MNAT1: variants seen among roughly 807,000 people sequenced by gnomAD.
MNAT1 encodes CDK-activating kinase assembly factor MAT1.
Under a neutral mutation model 42.0 loss-of-function variants are expected in MNAT1, and 43 were observed. The ratio of observed to expected loss-of-function variants is 1.02; its 90% CI spans 0.80 to 1.32. MNAT1 has a LOEUF of 1.32. Ranked by LOEUF, MNAT1 falls within the 40% of genes most tolerant of loss-of-function variation. The pLI, the probability that MNAT1 is intolerant of heterozygous loss-of-function variation, is 0.00. For synonymous variants in MNAT1, 118 were observed against 120.0 expected (o/e 0.98, Z 0.11); for missense variants, 306 against 350.4 (o/e 0.87, Z 1.01).
At chr14:60,818,981 G>T in intron 6 of MNAT1, 134 bp downstream of exon 6, 1 of 937,558 alleles carries the variant, frequency 1.1e-6, no homozygotes, top group African/African-American at 1.7e-5. Context: ...TTAGGTGTCT[G>T]GAAATATGGA....
At chr14:60,780,560 A>C (rs1261296005) in intron 1 of MNAT1, 2 of 1,523,682 alleles carry the variant, frequency 1.3e-6, no homozygotes, top group East Asian at 4.5e-5. Context: ...CAAAGTAAAT[A>C]GCATGGTGGC....
intron 1 of MNAT1, among the ~76,000 whole-genome samples, chr14:60,768,902 G>A (rs542781034): frequency 6.6e-5 from 10 of 152,168 alleles, no homozygotes; most frequent in African/African-American, 2.2e-4. Flanking sequence ...TGATGGCAAC[G>A]CTATGTGCAT....
chr14:60,910,323 TC>T (rs999774910), intron 7 of MNAT1, among the ~76,000 whole-genome samples: 25 of 152,198 alleles, frequency 1.6e-4, no homozygotes, highest in African/African-American at 5.5e-4. Flanking sequence ...TATTTCCTTC[TC>T]CTGCCTGATT....
At chr14:60,769,441 T>TTTTTA (rs1396861787) in intron 1 of MNAT1, among the ~76,000 whole-genome samples, 2 of 151,940 alleles carry the variant, frequency 1.3e-5, no homozygotes, top group African/African-American at 4.8e-5. Flanking sequence ...CTGGCCAATT[T>TTTTTA]TTTTATTTTA....
chr14:60,925,482 T>C (rs932455909), intron 7 of MNAT1, among the ~76,000 whole-genome samples: 1 of 152,190 alleles, frequency 6.6e-6, no homozygotes, highest in African/African-American at 2.4e-5. Context: ...TGTCTAGTTA[T>C]ACCATGTTCT....
chr14:60,807,123 A>G (rs867923706), intron 3 of MNAT1, among the ~76,000 whole-genome samples: 6 of 152,196 alleles, frequency 3.9e-5, no homozygotes, highest in Non-Finnish European at 5.9e-5. Flanking sequence ...TTGCCTTTAT[A>G]CCTAAATGAG....
At chr14:60,748,276 G>T (rs1347726098) in intron 1 of MNAT1, among the ~76,000 whole-genome samples, 1 of 152,060 alleles carries the variant, frequency 6.6e-6, no homozygotes, top group Non-Finnish European at 1.5e-5. Context: ...TGTCACCCAG[G>T]CTGGAGTGCA....
chr14:60,855,923 G>GC (rs1566796565), intron 6 of MNAT1, among the ~76,000 whole-genome samples: 1 of 152,066 alleles, frequency 6.6e-6, no homozygotes, highest in Non-Finnish European at 1.5e-5. Context: ...TCCACCAATT[G>GC]CCCCATCTCT....
Position 60,969,232 on chromosome 14 carries a change from T to C in MNAT1, c.*883T>C, listed in dbSNP as rs191947852. 1 of 152,358 alleles carries C rather than the reference T, an allele frequency of 6.6e-6. No individual in the cohort carries two copies. The highest frequency in any genetic ancestry group is 6.5e-5 in the Admixed American group (1 of 15,298). 9.4% of individuals were successfully genotyped at this position (152,358 alleles called of 1,614,324 possible). On this transcript the variant is annotated 3_prime_UTR_variant, in exon 8 of 8. Coordinates refer to ENST00000261245, the MANE Select transcript of MNAT1 (RefSeq NM_002431.4). ...CAGGGTTTTGCTTAAAGAGTTTAGATATGAATAGGATGATATTGCAGCATC... is the reference window on the plus strand; with the variant it reads ...CAGGGTTTTGCTTAAAGAGTTTAGACATGAATAGGATGATATTGCAGCATC...
intron 7 of MNAT1, among the ~76,000 whole-genome samples, chr14:60,922,686 C>A (rs2035687189): frequency 1.3e-5 from 2 of 151,658 alleles, no homozygotes; most frequent in African/African-American, 4.8e-5. Flanking sequence ...AAAAAAAAAA[C>A]TTTCAAGTTT....
At chr14:60,922,769 A>G (rs971218284) in intron 7 of MNAT1, among the ~76,000 whole-genome samples, 4 of 152,190 alleles carry the variant, frequency 2.6e-5, no homozygotes, top group Non-Finnish European at 4.4e-5. Flanking sequence ...TCCATTGCCA[A>G]GGCCACAAGT....
intron 1 of MNAT1, among the ~76,000 whole-genome samples, chr14:60,742,274 G>C (rs755985460): frequency 6.6e-6 from 1 of 151,794 alleles, no homozygotes; most frequent in East Asian, 1.9e-4. Flanking sequence ...TTTTTGTAGA[G>C]CTAGTCTCTG....
chr14:60,883,172 C>T (rs989947860), intron 7 of MNAT1, among the ~76,000 whole-genome samples: 3 of 152,080 alleles, frequency 2.0e-5, no homozygotes, highest in East Asian at 1.9e-4. Context: ...TATCCTGGAG[C>T]GTTTCCCCAA....
intron 7 of MNAT1, among the ~76,000 whole-genome samples, chr14:60,900,086 C>T (rs964122634): frequency 6.6e-6 from 1 of 150,950 alleles, no homozygotes. Context: ...CTCTCTCTTA[C>T]CTTGGACTTC....
At chr14:60,906,793 A>C (rs2035209971) in intron 7 of MNAT1, among the ~76,000 whole-genome samples, 1 of 152,192 alleles carries the variant, frequency 6.6e-6, no homozygotes, top group African/African-American at 2.4e-5. Flanking sequence ...GTTTCTGAAA[A>C]AATCTTTTGT....
At chr14:60,885,196 T>G (rs2034637851) in intron 7 of MNAT1, among the ~76,000 whole-genome samples, 1 of 151,860 alleles carries the variant, frequency 6.6e-6, no homozygotes, top group African/African-American at 2.4e-5. Context: ...TCTGTAACCT[T>G]CTTGTACTTG....
At chr14:60,742,329 C>G (rs939697159) in intron 1 of MNAT1, among the ~76,000 whole-genome samples, 1 of 152,104 alleles carries the variant, frequency 6.6e-6, no homozygotes, top group Admixed American at 6.5e-5. Flanking sequence ...CTCAAGTGAT[C>G]TACCCACCTC....
chr14:60,737,999 C>T (rs916646217), intron 1 of MNAT1, among the ~76,000 whole-genome samples: 2 of 150,202 alleles, frequency 1.3e-5, no homozygotes, highest in Non-Finnish European at 3.0e-5. Context: ...CAGGCGCCCG[C>T]TACCACGCCC....
chr14:60,964,712 T>A (rs2036652202), intron 7 of MNAT1, among the ~76,000 whole-genome samples: 1 of 152,200 alleles, frequency 6.6e-6, no homozygotes, highest in South Asian at 2.1e-4. Context: ...TCATTCTGTT[T>A]TATAAAGGTA....
Sources: allele counts gnomAD v4.1 joint callset (sites outside exome capture counted in the v4.1 genomes callset), GRCh38; gene constraint gnomAD v4.1.1; transcripts MANE v1.5; gene names NCBI Gene and HGNC (gene_info 2026-07-23, HGNC 2026-07-21).